PITPNC1: variants seen among roughly 807,000 people sequenced by gnomAD.
The protein encoded by PITPNC1 is cytoplasmic phosphatidylinositol transfer protein 1.
Under a neutral mutation model 44.7 loss-of-function variants are expected in PITPNC1, and 18 were observed. The observed-to-expected ratio is 0.40, with a 90% CI of 0.28 to 0.60. The LOEUF (loss-of-function observed/expected upper bound fraction) is 0.60. Ranked by LOEUF, PITPNC1 falls within the 20% of genes least tolerant of loss-of-function variation. The pLI, the probability that PITPNC1 is intolerant of heterozygous loss-of-function variation, is 0.39. For synonymous variants in PITPNC1, 141 were observed against 149.6 expected, an observed-to-expected ratio of 0.94 and a Z score of 0.42; for missense variants, 290 against 418.4, an observed-to-expected ratio of 0.69 and a Z score of 2.68.
intron 1 of PITPNC1, among the ~76,000 whole-genome samples, chr17:67,393,115 G>A (rs2056573386): frequency 6.7e-6 from 1 of 148,262 alleles, no homozygotes; most frequent in Non-Finnish European, 1.5e-5. Flanking sequence ...GGGCTACAGA[G>A]CAAGACTCCA....
Position 67,536,824 on chromosome 17 carries a change from A to G in PITPNC1, c.197+3874A>G, listed in dbSNP as rs374307338. On this transcript the variant is annotated intron_variant, in intron 2 of 8. Coordinates refer to ENST00000581322, the MANE Select transcript of PITPNC1 (RefSeq NM_012417.4). ...TTTTTCCTCCTTGATAAAAAGAGGGACGTTCAAGGAGCTATCTATGCTATT... is the reference window on the plus strand; with the variant it reads ...TTTTTCCTCCTTGATAAAAAGAGGGGCGTTCAAGGAGCTATCTATGCTATT... Among the ~76,000 whole-genome samples, 3 of 152,274 alleles carry G rather than the reference A, an allele frequency of 2.0e-5. No individual in the cohort carries two copies. In the East Asian group the frequency reaches 5.8e-4, roughly 29 times the overall value.
At chr17:67,585,573 C>T (rs951660433) in intron 5 of PITPNC1, among the ~76,000 whole-genome samples, 2 of 151,980 alleles carry the variant, frequency 1.3e-5, no homozygotes, top group African/African-American at 2.4e-5. Flanking sequence ...GAGGCTGAGG[C>T]GGGCGGATCG....
chr17:67,382,496 A>G (rs2037977475), intron 1 of PITPNC1, among the ~76,000 whole-genome samples: 2 of 152,212 alleles, frequency 1.3e-5, no homozygotes, highest in African/African-American at 4.8e-5. Flanking sequence ...TGAACTCAAT[A>G]TAAGCCTGTT....
chr17:67,472,589 G>A (rs1482898677), intron 1 of PITPNC1, among the ~76,000 whole-genome samples: 1 of 150,302 alleles, frequency 6.7e-6, no homozygotes, highest in African/African-American at 2.5e-5. Flanking sequence ...GGAGTTTGCA[G>A]TAAGCCGAGA....
At chr17:67,496,529 C>T (rs2039954483) in intron 1 of PITPNC1, among the ~76,000 whole-genome samples, 1 of 152,082 alleles carries the variant, frequency 6.6e-6, no homozygotes, top group Non-Finnish European at 1.5e-5. Flanking sequence ...GTCCCAGCCT[C>T]CCCGTGTTTA....
intron 1 of PITPNC1, among the ~76,000 whole-genome samples, chr17:67,448,986 C>T (rs574715985): frequency 9.2e-5 from 14 of 152,288 alleles, no homozygotes; most frequent in African/African-American, 2.9e-4. Flanking sequence ...GAACTGCTCT[C>T]GAACTCCTGA....
At chr17:67,443,181 C>G (rs938880256) in intron 1 of PITPNC1, among the ~76,000 whole-genome samples, 17 of 152,086 alleles carry the variant, frequency 1.1e-4, no homozygotes, top group African/African-American at 4.1e-4. Flanking sequence ...GTTCCCACCT[C>G]TCTTGCCTCA....
intron 2 of PITPNC1, among the ~76,000 whole-genome samples, chr17:67,546,408 C>A (rs1646954309): frequency 6.6e-6 from 1 of 152,060 alleles, no homozygotes; most frequent in Non-Finnish European, 1.5e-5. Context: ...CTGTCCCCAT[C>A]TGAGTACTTA....
intron 5 of PITPNC1, among the ~76,000 whole-genome samples, chr17:67,624,214 C>CTTTTTTTTTTTT (rs71139163): frequency 1.6e-5 from 2 of 127,124 alleles, no homozygotes; most frequent in African/African-American, 3.0e-5. Context: ...TCTTTCTTTT[C>CTTTTTTTTTTTT]TTTTTTTTTT....
chr17:67,559,896 A>C (rs975247722), intron 4 of PITPNC1, among the ~76,000 whole-genome samples: 3 of 152,130 alleles, frequency 2.0e-5, no homozygotes, highest in Admixed American at 1.3e-4. Flanking sequence ...ATAAACAAAC[A>C]AAAAAACCCA....
intron 1 of PITPNC1, among the ~76,000 whole-genome samples, chr17:67,419,129 C>A (rs2038627757): frequency 6.7e-6 from 1 of 150,354 alleles, no homozygotes; most frequent in Admixed American, 6.6e-5. Flanking sequence ...CTGTGGCTTT[C>A]AACTATAAGT....
rs77305672 is a variant in PITPNC1 at position 67,433,265 on chromosome 17, C to A, written c.48+55063C>A. 8.4e-3 allele frequency among the ~76,000 whole-genome samples: 1,276 copies of A among 152,296 alleles called. 17 individuals are homozygous for A. Among genetic ancestry groups the A allele is most frequent in the African/African-American group, 0.028 (1,178 of 41,550 alleles). On this transcript the variant is annotated intron_variant, in intron 1 of 8. Transcript: ENST00000581322. ...AGGGAAGCCAGACCTAGAAAGGAGGCAAAGCTACAGGTGCAGAGCAGAGAT... is the reference window on the plus strand; with the variant it reads ...AGGGAAGCCAGACCTAGAAAGGAGGAAAAGCTACAGGTGCAGAGCAGAGAT...
At chr17:67,438,915 G>A (rs556352416) in intron 1 of PITPNC1, among the ~76,000 whole-genome samples, 34 of 152,226 alleles carry the variant, frequency 2.2e-4, no homozygotes, top group African/African-American at 7.2e-4. Context: ...GCTCCCATCC[G>A]TTTCCCTTGG....
intron 1 of PITPNC1, among the ~76,000 whole-genome samples, chr17:67,418,927 A>G (rs1050669724): frequency 2.0e-5 from 3 of 152,292 alleles, no homozygotes; most frequent in Non-Finnish European, 4.4e-5. Flanking sequence ...GCGCTTGACC[A>G]GAGAAAATGG....
chr17:67,389,160 C>G (rs747398005), intron 1 of PITPNC1, among the ~76,000 whole-genome samples: 1 of 152,194 alleles, frequency 6.6e-6, no homozygotes, highest in Non-Finnish European at 1.5e-5. Context: ...GTTAGAGGCT[C>G]GATCCCAGAG....
intron 1 of PITPNC1, among the ~76,000 whole-genome samples, chr17:67,462,217 C>CTTTT (rs2039348729): frequency 7.3e-5 from 7 of 96,194 alleles, no homozygotes; most frequent in African/African-American, 2.1e-4. Flanking sequence ...TTTTCTCTTT[C>CTTTT]TTTCTTTCTT....
Position 67,669,554 on chromosome 17 carries a change from G to T in PITPNC1, c.509G>T (p.Arg170Met). 1 of 1,611,040 alleles carries T rather than the reference G, an allele frequency of 6.2e-7. No individual in the cohort carries two copies. ...GAGAAGACAGGACGGGGACAGTTGA[G>T]GGAAGGCTGGAGAGATAGTCATCAG... ...KSEKTGRGQLREGWRDSHQPI... is the reference protein window; with the variant it reads ...KSEKTGRGQLMEGWRDSHQPI... The change falls in exon 7 of 9, where the codon AGG becomes ATG. Residue 170 changes from arginine (R) to methionine (M), a missense_variant. Transcript: ENST00000581322.
chr17:67,486,723 T>G (rs2039782726), intron 1 of PITPNC1, among the ~76,000 whole-genome samples: 2 of 152,086 alleles, frequency 1.3e-5, no homozygotes, highest in African/African-American at 4.8e-5. Flanking sequence ...TGTCTATGCA[T>G]TTAGGGCGGT....
intron 5 of PITPNC1, among the ~76,000 whole-genome samples, chr17:67,624,026 A>ACAG (rs1361714344): frequency 6.6e-6 from 1 of 152,082 alleles, no homozygotes; most frequent in African/African-American, 2.4e-5. Flanking sequence ...TTATCACCAC[A>ACAG]CAGCACGTAA....
Sources: gnomAD v4.1 joint callset for allele counts (sites outside exome capture counted in the v4.1 genomes callset) on GRCh38, gnomAD v4.1.1 for gene constraint, MANE v1.5 for transcripts, NCBI Gene and HGNC (gene_info 2026-07-23, HGNC 2026-07-21) for gene names.